The following SNX15 variants were observed in gnomAD, a reference collection of about 807,000 sequenced individuals.
SNX15 encodes the protein sorting nexin 15.
Under a neutral mutation model 35.2 loss-of-function variants are expected in SNX15, and 29 were observed. The observed-to-expected ratio is 0.82, with a 90% CI of 0.61 to 1.12. The LOEUF (loss-of-function observed/expected upper bound fraction) is 1.12, where lower values mean the gene tolerates loss of function less well. Among genes scored for constraint, SNX15 ranks in the 50% most tolerant of loss-of-function variants. The pLI is 0.00. For synonymous variants in SNX15, 189 were observed against 188.2 expected (o/e 1.00, Z -0.03); for missense variants, 400 against 451.5 (o/e 0.89, Z 1.03).
chr11:65,034,928 TCAA>T lies in SNX15; in HGVS notation c.344_346del (p.Asn115del). On this transcript the variant is annotated inframe_deletion, in exon 4 of 8. Coordinates refer to ENST00000377244, the MANE Select transcript of SNX15 (RefSeq NM_013306.5). ...CGCTTCACTGTGCACATACCTGCGCTCAACAACAGCCCCCAGCTCAAGGAGTTC... is the reference window on the plus strand; with the variant it reads ...CGCTTCACTGTGCACATACCTGCGCTCAACAGCCCCCAGCTCAAGGAGTTC... The T allele has an allele frequency of 6.2e-7, 1 of 1,614,050 alleles. No homozygotes were observed. Among genetic ancestry groups the T allele is most frequent in the Non-Finnish European group, 8.5e-7 (1 of 1,179,960 alleles).
chr11:65,035,721 G>T, intron 6 of SNX15, 58 bp downstream of exon 6: 1 of 1,544,058 alleles, frequency 6.5e-7, no homozygotes, highest in South Asian at 1.3e-5. Context: ...GGACAGGGAG[G>T]AGGGCAGAGC....
intron 7 of SNX15, among the ~76,000 whole-genome samples, chr11:65,039,446 A>T (rs1432510641): frequency 6.6e-6 from 1 of 151,366 alleles, no homozygotes; most frequent in Non-Finnish European, 1.5e-5. Context: ...CTGGTCTCGA[A>T]CCCCTGACCT....
intron 3 of SNX15, 59 bp downstream of exon 3, chr11:65,032,610 A>C (rs568050645): frequency 4.8e-5 from 77 of 1,605,848 alleles, no homozygotes; most frequent in African/African-American, 4.0e-4. Flanking sequence ...GCAAAAGGGG[A>C]CCTCCGCCAG....
At position 65,035,147 on chromosome 11, in the gene SNX15, C is replaced by T; in HGVS notation, c.461C>T (p.Pro154Leu). 1 of 1,591,162 alleles carries T rather than the reference C, an allele frequency of 6.3e-7. No individual in the cohort carries two copies. The highest frequency in any genetic ancestry group is 8.5e-7 in the Non-Finnish European group (1 of 1,169,812). The change falls in exon 5 of 8, where the codon CCC becomes CTC. Residue 154 changes from proline (P) to leucine (L), a missense_variant. By Grantham distance (98) the Pro-to-Leu change is moderately conservative. Coordinates refer to ENST00000377244, the MANE Select transcript of SNX15 (RefSeq NM_013306.5). ...PLIPTPPPDD[P>L]RLSQLLPAER... is the part of the protein sequence containing the mutation. ...ATCCCCACCCCGCCCCCTGATGACC[C>T]CCGGCTATCCCAACTGCTCCCTGCA...
At chr11:65,037,510 G>C (rs1590742592) in intron 6 of SNX15, 1 of 152,332 alleles carries the variant, frequency 6.6e-6, no homozygotes, top group Non-Finnish European at 1.5e-5. Flanking sequence ...GAGTGACTGT[G>C]TCCAGCCAGG....
At chr11:65,034,823 T>G in intron 3 of SNX15, 24 bp from the exon 4 acceptor site, 1 of 1,593,650 alleles carries the variant, frequency 6.3e-7, no homozygotes, top group Non-Finnish European at 8.6e-7. Flanking sequence ...CACTCTCCCC[T>G]GTTCCTTGTC....
At chr11:65,038,909 T>A in intron 7 of SNX15, 80 bp downstream of exon 7, 1 of 1,256,840 alleles carries the variant, frequency 8.0e-7, no homozygotes, top group Non-Finnish European at 1.1e-6. Context: ...AACAAGCAAA[T>A]CACGGATCAG....
intron 3 of SNX15, among the ~76,000 whole-genome samples, chr11:65,033,928 G>A (rs953267481): frequency 1.7e-4 from 26 of 151,822 alleles, no homozygotes; most frequent in Admixed American, 1.3e-3. Flanking sequence ...GGCTGGTCTC[G>A]AACTCCTAAC....
Position 65,039,868 on chromosome 11 carries a change from A to G in SNX15, c.*76A>G. ...TCTCCTCTCCCCAGGGCCTGGCCCT[A>G]CCTCCTGGTCTTGTAATTACAGGAG... On this transcript the variant is annotated 3_prime_UTR_variant, in exon 8 of 8. Coordinates refer to ENST00000377244, the MANE Select transcript of SNX15 (RefSeq NM_013306.5). 3 of 946,920 alleles carry G rather than the reference A, an allele frequency of 3.2e-6. No individual in the cohort carries two copies. The highest frequency in any genetic ancestry group is 3.3e-5 in the African/African-American group (2 of 61,006). The allele number at this position is 946,920 out of a possible 1,614,324, so 58.7% of individuals were successfully genotyped here.
At chr11:65,039,585 A>G in intron 7 of SNX15, 101 bp from the exon 8 acceptor site, 1 of 672,962 alleles carries the variant, frequency 1.5e-6, no homozygotes, top group African/African-American at 1.8e-5. Context: ...GAGGAGGGAA[A>G]AGCACATGGT....
chr11:65,027,768 G>C (rs1463988638), intron 1 of SNX15, 132 bp downstream of exon 1: 1 of 668,082 alleles, frequency 1.5e-6, no homozygotes, highest in African/African-American at 1.8e-5. Context: ...AGGGGAGGTT[G>C]CAGTACGAGG....
rs113951465 is a variant in SNX15 at position 65,038,913 on chromosome 11, G to A, written c.922+84G>A. 711 of 1,205,970 alleles carry A rather than the reference G, an allele frequency of 5.9e-4. 3 individuals carry two copies. The African/African-American group carries it at 8.6e-3, about 15-fold the overall frequency. The allele number at this position is 1,205,970 out of a possible 1,614,324, so 74.7% of individuals were successfully genotyped here. The stretch of plus-strand genomic sequence containing the variant: ...GGGAGCAAAAAAACAAGCAAATCAC[G>A]GATCAGGAGCCCTTTTACTCCTCAC... On this transcript the variant is annotated intron_variant, in intron 7 of 7. Coordinates refer to ENST00000377244, the MANE Select transcript of SNX15 (RefSeq NM_013306.5).
At chr11:65,038,975 G>GTTT (rs1423817396) in intron 7 of SNX15, 146 bp downstream of exon 7, 1 of 437,286 alleles carries the variant, frequency 2.3e-6, no homozygotes, top group African/African-American at 2.2e-5. Flanking sequence ...TTTTGTTTCT[G>GTTT]TTTTTTTGTT....
At chr11:65,032,669 G>C (rs1292442242) in intron 3 of SNX15, 118 bp downstream of exon 3, 2 of 1,279,582 alleles carry the variant, frequency 1.6e-6, no homozygotes, top group Non-Finnish European at 2.2e-6. Context: ...GTCATGTTTG[G>C]AAGGGCCCTT....
chr11:65,039,375 C>T (rs1244704735), intron 7 of SNX15, among the ~76,000 whole-genome samples: 4 of 152,042 alleles, frequency 2.6e-5, no homozygotes, highest in Non-Finnish European at 5.9e-5. Flanking sequence ...AGGCACGTGC[C>T]ACCACGCCCA....
rs144558475 is a variant in SNX15 at position 65,039,846 on chromosome 11, C to T, written c.*54C>T. On this transcript the variant is annotated 3_prime_UTR_variant, in exon 8 of 8. Transcript: ENST00000377244. ...CGCTCCTGCACTGCCAGCCCCTTCT[C>T]CTCTCCCCAGGGCCTGGCCCTACCT... is the stretch of plus-strand genomic sequence containing the variant. 1.1e-5 allele frequency: 14 copies of T among 1,269,742 alleles called. No individual in the cohort carries two copies. In the Admixed American group the frequency reaches 1.3e-4, roughly 12 times the overall value. The allele number at this position is 1,269,742 out of a possible 1,614,324, so 78.7% of individuals were successfully genotyped here. A position where few individuals can be genotyped will look rare whatever the true frequency, so the allele number is the denominator to read the frequency against.
chr11:65,038,422 T>C (rs1946527867), intron 6 of SNX15, 150 bp from the exon 7 acceptor site: 1 of 1,198,142 alleles, frequency 8.3e-7, no homozygotes. Context: ...TAGTTTTTGA[T>C]CCACAGACGA....
chr11:65,034,966 T>G lies in SNX15; in HGVS notation c.372+4T>G, dbSNP rs775737763. 4.9e-5 allele frequency: 79 copies of G among 1,613,646 alleles called. 2 individuals carry two copies. In the South Asian group the frequency reaches 6.6e-4, roughly 13 times the overall value. Reference sequence around the variant, plus strand: ...CCAGCTCAAGGAGTTCTTCCGGGTATGTGCACCTTCCACCTTCCCAGAACT... The same window carrying G: ...CCAGCTCAAGGAGTTCTTCCGGGTAGGTGCACCTTCCACCTTCCCAGAACT... On this transcript the variant is annotated splice_donor_region_variant and intron_variant, in intron 4 of 7. Coordinates refer to ENST00000377244, the MANE Select transcript of SNX15 (RefSeq NM_013306.5).
At chr11:65,028,017 T>TA (rs2136922789) in intron 1 of SNX15, among the ~76,000 whole-genome samples, 1 of 152,358 alleles carries the variant, frequency 6.6e-6, no homozygotes, top group South Asian at 2.1e-4. Flanking sequence ...TGATGTTACA[T>TA]AAACTCCCTT....
Sources: gnomAD v4.1 joint callset for allele counts (sites outside exome capture counted in the v4.1 genomes callset) on GRCh38, gnomAD v4.1.1 for gene constraint, MANE v1.5 for transcripts, NCBI Gene and HGNC (gene_info 2026-07-23, HGNC 2026-07-21) for gene names.